QSOX1: variants seen among roughly 807,000 people sequenced by gnomAD.
QSOX1 encodes the protein sulfhydryl oxidase 1.
In QSOX1, 40 loss-of-function variants were observed where a neutral mutation model predicts 76.1. That is an observed-to-expected ratio of 0.53 (90% CI 0.41 to 0.68). The LOEUF (loss-of-function observed/expected upper bound fraction) is 0.68. Ranked by LOEUF, QSOX1 falls within the 30% of genes least tolerant of loss-of-function variation. QSOX1 has a pLI of 0.00. For synonymous variants in QSOX1, 392 were observed against 413.1 expected (o/e 0.95, Z 0.62); for missense variants, 931 against 974.3 (o/e 0.96, Z 0.59).
At position 180,202,252 on chromosome 1, in the gene QSOX1, G is replaced by A. The variant is rs1052853981; in HGVS notation, c.*5215G>A. ...CCTCCTGATAGTGCTGGTAGCTCCA[G>A]CTGCTGCTTTGGCAAGACTTGGTCG... On this transcript the variant is annotated 3_prime_UTR_variant, in exon 12 of 12. Coordinates refer to ENST00000367602, the MANE Select transcript of QSOX1 (RefSeq NM_002826.5). The A allele has an allele frequency of 6.6e-6, 1 of 152,288 alleles. No individual in the cohort carries two copies. Among genetic ancestry groups the A allele is most frequent in the African/African-American group, 2.4e-5 (1 of 41,454 alleles). 9.4% of individuals were successfully genotyped at this position (152,288 alleles called of 1,614,324 possible).
At chr1:180,190,711 C>A in intron 10 of QSOX1, 131 bp downstream of exon 10, 3 of 1,184,054 alleles carry the variant, frequency 2.5e-6, no homozygotes, top group Non-Finnish European at 3.6e-6. Context: ...TGGGGAGAGT[C>A]AGCCTTGGGG....
In QSOX1 at chr1:180,190,669, A is replaced by T. The variant is rs1572053884; in HGVS notation, c.1288+89A>T. 4 of 1,443,516 alleles carry T rather than the reference A, an allele frequency of 2.8e-6. No individual in the cohort carries two copies. The East Asian group carries it at 9.2e-5, about 33-fold the overall frequency. The allele number at this position is 1,443,516 out of a possible 1,614,324, so 89.4% of individuals were successfully genotyped here. On this transcript the variant is annotated intron_variant, in intron 10 of 11. Coordinates refer to ENST00000367602, the MANE Select transcript of QSOX1 (RefSeq NM_002826.5). ...GAGAGGGGGCAGGGAAGCTCCCTTG[A>T]ATTGCCCCACTGGCTCCCAGCTGCC...
Position 180,202,680 on chromosome 1 carries a change from A to C in QSOX1, c.*5643A>C, listed in dbSNP as rs925295849. 3.3e-5 allele frequency: 5 copies of C among 151,640 alleles called. No homozygotes were observed. Among genetic ancestry groups the C allele is most frequent in the Non-Finnish European group, 7.4e-5 (5 of 67,904 alleles). 9.4% of individuals were successfully genotyped at this position (151,640 alleles called of 1,614,324 possible). ...AGTAGATTAGTAAGCTAATGCAAAA[A>C]AAAAAAAAAAAGGGGAAATATAATT... On this transcript the variant is annotated 3_prime_UTR_variant, in exon 12 of 12. Coordinates refer to ENST00000367602, the MANE Select transcript of QSOX1 (RefSeq NM_002826.5).
chr1:180,177,106 G>A (rs1662916686), intron 4 of QSOX1, among the ~76,000 whole-genome samples: 1 of 152,080 alleles, frequency 6.6e-6, no homozygotes, highest in South Asian at 2.1e-4. Context: ...CTGTGCCCTG[G>A]TCCTTGCTGC....
In QSOX1 at chr1:180,196,753, G is replaced by A; in HGVS notation, c.1960G>A (p.Glu654Lys). The A allele has an allele frequency of 1.2e-6, 2 of 1,614,156 alleles. No homozygotes were observed. Among genetic ancestry groups the A allele is most frequent in the Non-Finnish European group, 1.7e-6 (2 of 1,180,022 alleles). Residue 654 changes from glutamate to lysine, a missense_variant, in exon 12 of 12, where the codon GAG becomes AAG. Physicochemically the swap from Glu to Lys is moderately conservative, Grantham distance 56. Coordinates refer to ENST00000367602, the MANE Select transcript of QSOX1 (RefSeq NM_002826.5). The surrounding 1 kb of genome is among the most constrained non-coding windows in gnomAD (Gnocchi z 4.1). ...KRDTGAALLA[E>K]SRAEKNRLWG... is the part of the protein sequence containing the mutation. ...AGACACAGGGGCTGCATTGCTGGCT[G>A]AGTCCAGGGCTGAGAAGAACCGCCT... is the stretch of plus-strand genomic sequence containing the variant.
rs1432616692 is a variant in QSOX1, at chr1:180,200,389, G to A, written c.*3352G>A. ...GTTCCCACAGGATATTCTGTGAAGGGTGTCCCTGGAGCTGGGCCTCCAGGT... is the reference window on the plus strand; with the variant it reads ...GTTCCCACAGGATATTCTGTGAAGGATGTCCCTGGAGCTGGGCCTCCAGGT... On this transcript the variant is annotated 3_prime_UTR_variant, in exon 12 of 12. Transcript: ENST00000367602. 1 of 152,162 alleles carries A rather than the reference G, an allele frequency of 6.6e-6. No individual in the cohort carries two copies. The highest frequency in any genetic ancestry group is 1.9e-4 in the East Asian group (1 of 5,166). 9.4% of individuals were successfully genotyped at this position (152,162 alleles called of 1,614,324 possible).
At chr1:180,155,243 C>G (rs187596070) in intron 1 of QSOX1, 71 bp downstream of exon 1, 9 of 1,350,834 alleles carry the variant, frequency 6.7e-6, no homozygotes, top group Non-Finnish European at 8.6e-6. Flanking sequence ...GGTGGGCAGC[C>G]TCCTACTCCG....
At chr1:180,164,876 T>C (rs1662577159) in intron 1 of QSOX1, among the ~76,000 whole-genome samples, 1 of 152,160 alleles carries the variant, frequency 6.6e-6, no homozygotes, top group Non-Finnish European at 1.5e-5. Context: ...TGGGGAGGCC[T>C]CAGGGAGCTT....
intron 5 of QSOX1, 126 bp from the exon 6 acceptor site, chr1:180,182,048 G>C: frequency 1.1e-6 from 1 of 895,366 alleles, no homozygotes; most frequent in Non-Finnish European, 1.7e-6. Context: ...TCCACTCTTT[G>C]TGGGTTTAGA....
At chr1:180,179,093 A>G (rs1054205971) in intron 5 of QSOX1, among the ~76,000 whole-genome samples, 1 of 152,180 alleles carries the variant, frequency 6.6e-6, no homozygotes, top group East Asian at 1.9e-4. Flanking sequence ...TATCTCCTTC[A>G]CGGAAATCAA....
chr1:180,174,009 C>T (rs188961163), intron 2 of QSOX1, among the ~76,000 whole-genome samples: 4 of 152,366 alleles, frequency 2.6e-5, no homozygotes, highest in Admixed American at 2.6e-4. Context: ...GGCCTGTTCT[C>T]AGCTGCCAGC....
rs1663649169 is a variant in QSOX1 at position 180,202,227 on chromosome 1, C to CCTCCTGATAGTGCTGGTAG, written c.*5195_*5213dup. The CCTCCTGATAGTGCTGGTAG allele has an allele frequency of 6.6e-6, 1 of 152,312 alleles. No homozygotes were observed. Among genetic ancestry groups the CCTCCTGATAGTGCTGGTAG allele is most frequent in the South Asian group, 2.1e-4 (1 of 4,828 alleles). The allele number at this position is 152,312 out of a possible 1,614,324, so 9.4% of individuals were successfully genotyped here. A position where few individuals can be genotyped will look rare whatever the true frequency, so the allele number is the denominator to read the frequency against. On this transcript the variant is annotated 3_prime_UTR_variant, in exon 12 of 12. Transcript: ENST00000367602. ...ACAGACTCTAGGGCTAGGGTGAGAT[C>CCTCCTGATAGTGCTGGTAG]CTCCTGATAGTGCTGGTAGCTCCAG...
At chr1:180,187,811 A>G (rs1663211430) in intron 8 of QSOX1, among the ~76,000 whole-genome samples, 1 of 152,214 alleles carries the variant, frequency 6.6e-6, no homozygotes, top group Non-Finnish European at 1.5e-5. Context: ...TATGCCCCGC[A>G]GTAGCAGCAG....
intron 8 of QSOX1, among the ~76,000 whole-genome samples, chr1:180,189,298 A>G (rs984829457): frequency 1.3e-5 from 2 of 152,108 alleles, no homozygotes; most frequent in Non-Finnish European, 2.9e-5. Flanking sequence ...ACCCCACCCC[A>G]TTTAGAGCGA....
chr1:180,164,339 G>A (rs1358286389), intron 1 of QSOX1, among the ~76,000 whole-genome samples: 2 of 152,180 alleles, frequency 1.3e-5, no homozygotes, highest in African/African-American at 4.8e-5. Flanking sequence ...GGCATCATAG[G>A]ATGTAGCTCA....
chr1:180,189,668 G>T lies in QSOX1; in HGVS notation c.1134G>T (p.Arg378Ser). The T allele has an allele frequency of 6.2e-7, 1 of 1,612,694 alleles. No individual in the cohort carries two copies. ...YSFFKTALDD[R>S]KEGAVLAKKV... ...TCTTTAAAACTGCCCTGGACGACAG[G>T]AAAGAGGTGAGTCTGGGAAGCAAAT... The change falls in exon 9 of 12, where the codon AGG becomes AGT. Residue 378 changes from arginine to serine, a missense_variant. By Grantham distance (110) the Arg-to-Ser change is moderately radical. Coordinates refer to ENST00000367602, the MANE Select transcript of QSOX1 (RefSeq NM_002826.5).
intron 1 of QSOX1, among the ~76,000 whole-genome samples, chr1:180,162,445 A>G (rs1275220372): frequency 6.6e-6 from 1 of 152,206 alleles, no homozygotes; most frequent in African/African-American, 2.4e-5. Context: ...AAATTAAAAC[A>G]CTTAATCAGC....
At position 180,155,046 on chromosome 1, in the gene QSOX1, G is replaced by A; in HGVS notation, c.139G>A (p.Ala47Thr). The A allele has an allele frequency of 6.6e-7, 1 of 1,513,386 alleles. No homozygotes were observed. 93.7% of individuals were successfully genotyped at this position (1,513,386 alleles called of 1,614,324 possible). The change falls in exon 1 of 12, where the codon GCG (alanine) becomes ACG (threonine). Residue 47 changes from alanine to threonine, a missense_variant. Physicochemically the swap from Ala to Thr is moderately conservative, Grantham distance 58. Coordinates refer to ENST00000367602, the MANE Select transcript of QSOX1 (RefSeq NM_002826.5). ...TTCCGACCCGCTGACGCTGCTGCAG[G>A]CGGACACGGTGCGCGGCGCGGTGCT... ...SPSDPLTLLQ[A>T]DTVRGAVLGS...
In QSOX1 at chr1:180,188,273, T is replaced by G. The variant is rs1001370897; in HGVS notation, c.1018-1279T>G. 2.0e-5 allele frequency among the ~76,000 whole-genome samples: 3 copies of G among 151,930 alleles called. No individual in the cohort carries two copies. The South Asian group carries it at 6.2e-4, about 32-fold the overall frequency. On this transcript the variant is annotated intron_variant, in intron 8 of 11. Coordinates refer to ENST00000367602, the MANE Select transcript of QSOX1 (RefSeq NM_002826.5). ...GCCAGCCCTGCAGGTGCCCGGTCAG[T>G]CAGGAGGCCCTCTGCATGTCCTGCC...
Sources: gnomAD v4.1 joint callset for allele counts (sites outside exome capture counted in the v4.1 genomes callset) on GRCh38, gnomAD v4.1.1 for gene constraint, Gnocchi (gnomAD v3.1) non-coding constraint, MANE v1.5 for transcripts, NCBI Gene and HGNC (gene_info 2026-07-23, HGNC 2026-07-21) for gene names.